Variants in CDYL2 observed in about 807,000 individuals in gnomAD.
The protein encoded by CDYL2 is chromodomain Y like 2.
A neutral mutation model predicts 49.4 loss-of-function variants in CDYL2; 23 were observed. The observed-to-expected ratio is 0.47, with a 90% CI of 0.34 to 0.66. CDYL2 has a LOEUF of 0.66. Among genes scored for constraint, CDYL2 ranks in the 30% least tolerant of loss-of-function variants. The pLI is 0.01. For missense variants in CDYL2, 678 were observed against 656.4 expected (o/e 1.03, Z -0.36); for synonymous variants, 360 against 268.8 (o/e 1.34, Z -3.32).
chr16:80,732,283 C>G (rs1405885989), intron 1 of CDYL2, among the ~76,000 whole-genome samples: 1 of 151,636 alleles, frequency 6.6e-6, no homozygotes, highest in African/African-American at 2.4e-5. Flanking sequence ...GTTTAATGGG[C>G]TGCACAGTTT....
chr16:80,610,488 G>C (rs1377501000), intron 5 of CDYL2, among the ~76,000 whole-genome samples: 1 of 152,198 alleles, frequency 6.6e-6, no homozygotes, highest in East Asian at 1.9e-4. Flanking sequence ...CTCTTTTGAA[G>C]AGGGAACTTA....
chr16:80,797,114 GT>G (rs1056676087), intron 1 of CDYL2, among the ~76,000 whole-genome samples: 2 of 152,004 alleles, frequency 1.3e-5, no homozygotes, highest in African/African-American at 4.8e-5. Context: ...TTTACACACT[GT>G]TTTTTGGCTT....
intron 1 of CDYL2, among the ~76,000 whole-genome samples, chr16:80,753,649 C>G (rs1906212902): frequency 6.6e-6 from 1 of 152,064 alleles, no homozygotes; most frequent in African/African-American, 2.4e-5. Flanking sequence ...CATCACCTCT[C>G]TAAACACAAT....
intron 1 of CDYL2, among the ~76,000 whole-genome samples, chr16:80,718,064 C>T (rs1904870819): frequency 6.6e-6 from 1 of 152,186 alleles, no homozygotes; most frequent in Admixed American, 6.5e-5. Flanking sequence ...ATTATCTCTA[C>T]TTTACAGATG....
intron 1 of CDYL2, among the ~76,000 whole-genome samples, chr16:80,758,688 A>AAG (rs1906403839): frequency 1.3e-5 from 2 of 150,610 alleles, no homozygotes; most frequent in South Asian, 2.1e-4. Context: ...GACTACAGGC[A>AAG]CCCGCCACCA....
chr16:80,672,818 G>A (rs1256694942), intron 2 of CDYL2, among the ~76,000 whole-genome samples: 1 of 152,166 alleles, frequency 6.6e-6, no homozygotes. Context: ...ACCAACACCT[G>A]ACTCATAGCA....
rs1210171327 is a variant in CDYL2 at position 80,603,808 on chromosome 16, T to C, written c.*580A>G. 1 of 152,756 alleles carries C rather than the reference T, an allele frequency of 6.5e-6. No individual in the cohort carries two copies. Among genetic ancestry groups the C allele is most frequent in the Non-Finnish European group, 1.5e-5 (1 of 68,100 alleles). The allele number at this position is 152,756 out of a possible 1,614,324, so 9.5% of individuals were successfully genotyped here. A position where few individuals can be genotyped will look rare whatever the true frequency, so the allele number is the denominator to read the frequency against. On this transcript the variant is annotated 3_prime_UTR_variant, in exon 7 of 7. Transcript: ENST00000570137. Reference sequence around the variant, plus strand: ...AAATATATATTTAACAAAACATTTCTAAATGTACAATATCTGGGTTTGCAA... The same window carrying C: ...AAATATATATTTAACAAAACATTTCCAAATGTACAATATCTGGGTTTGCAA...
intron 1 of CDYL2, among the ~76,000 whole-genome samples, chr16:80,722,842 G>C (rs1905044848): frequency 6.6e-6 from 1 of 152,166 alleles, no homozygotes; most frequent in South Asian, 2.1e-4. Flanking sequence ...AGCATACCTG[G>C]TGCCCTAAGC....
intron 1 of CDYL2, among the ~76,000 whole-genome samples, chr16:80,734,915 AT>A (rs1214349048): frequency 1.3e-5 from 2 of 152,174 alleles, no homozygotes; most frequent in African/African-American, 4.8e-5. Flanking sequence ...CCAGGCTATG[AT>A]GCTGTTGATG....
At chr16:80,755,418 C>T (rs7193176) in intron 1 of CDYL2, among the ~76,000 whole-genome samples, 1,798 of 152,304 alleles carry the variant, frequency 0.012, 23 homozygotes, top group African/African-American at 0.02. Context: ...CACAGTTTAT[C>T]TGCAGAGAGA....
intron 1 of CDYL2, among the ~76,000 whole-genome samples, chr16:80,693,450 C>G (rs115330585): frequency 0.017 from 2,571 of 151,984 alleles, 76 homozygotes; most frequent in African/African-American, 0.058. Context: ...AGAAATGAGG[C>G]CAAAGGTATT....
rs565429905 is a variant in CDYL2, at chr16:80,720,842, G to C, written c.25-35713C>G. 3.3e-5 allele frequency among the ~76,000 whole-genome samples: 5 copies of C among 152,270 alleles called. No individual in the cohort carries two copies. The East Asian group carries it at 7.7e-4, about 23-fold the overall frequency. ...TTTCTGGTTTAAAAATATACCCTGA[G>C]AGCCGTCCGCTTCAGAAATTGAGCA... On this transcript the variant is annotated intron_variant, in intron 1 of 6. Transcript: ENST00000570137.
At chr16:80,628,944 G>T (rs1907427271) in intron 3 of CDYL2, among the ~76,000 whole-genome samples, 2 of 152,174 alleles carry the variant, frequency 1.3e-5, no homozygotes, top group Admixed American at 1.3e-4. Context: ...GAGACCTGAA[G>T]GAAGAGCAAG....
intron 1 of CDYL2, among the ~76,000 whole-genome samples, chr16:80,735,637 A>G (rs890996060): frequency 6.6e-6 from 1 of 152,172 alleles, no homozygotes; most frequent in Non-Finnish European, 1.5e-5. Context: ...CCAGGCTCCA[A>G]CTAGAGCTCT....
At chr16:80,619,049 T>C (rs1367296996) in intron 4 of CDYL2, among the ~76,000 whole-genome samples, 1 of 152,196 alleles carries the variant, frequency 6.6e-6, no homozygotes, top group South Asian at 2.1e-4. Flanking sequence ...GGAGAAGCTG[T>C]GTCAGGCCTC....
At chr16:80,667,425 C>A (rs527992368) in intron 2 of CDYL2, among the ~76,000 whole-genome samples, 2 of 152,142 alleles carry the variant, frequency 1.3e-5, no homozygotes, top group African/African-American at 4.8e-5. Flanking sequence ...TGCCTTTTTC[C>A]TCAGTCATTT....
At chr16:80,776,325 G>C (rs1258667512) in intron 1 of CDYL2, among the ~76,000 whole-genome samples, 2 of 152,044 alleles carry the variant, frequency 1.3e-5, no homozygotes, top group Non-Finnish European at 2.9e-5. Context: ...ATAATTTGGT[G>C]AATCTGTTAT....
At chr16:80,776,816 C>T (rs540082508) in intron 1 of CDYL2, among the ~76,000 whole-genome samples, 2 of 151,168 alleles carry the variant, frequency 1.3e-5, no homozygotes, top group South Asian at 4.2e-4. Flanking sequence ...GTATATATTA[C>T]AAAACTTTTT....
intron 1 of CDYL2, among the ~76,000 whole-genome samples, chr16:80,801,810 T>A (rs1907935499): frequency 6.6e-6 from 1 of 152,254 alleles, no homozygotes; most frequent in African/African-American, 2.4e-5. Context: ...TAATGTACAC[T>A]TAGCACTTCT....
Sources: allele counts gnomAD v4.1 joint callset (sites outside exome capture counted in the v4.1 genomes callset), GRCh38; gene constraint gnomAD v4.1.1; transcripts MANE v1.5; gene names NCBI Gene and HGNC (gene_info 2026-07-23, HGNC 2026-07-21).